GNG2: variants seen among roughly 807,000 people sequenced by gnomAD.
GNG2 encodes guanine nucleotide-binding protein G(I)/G(S)/G(O) subunit gamma-2.
A neutral mutation model predicts 5.5 loss-of-function variants in GNG2; 5 were observed. The observed-to-expected ratio is 0.91, with a 90% CI of 0.48 to 1.92. The LOEUF is 1.92. GNG2 is among the 30% of genes most tolerant of loss of function. GNG2 has a pLI of 0.01. For missense variants in GNG2, 55 were observed against 88.4 expected (o/e 0.62, Z 1.52); for synonymous variants, 28 against 32.0 (o/e 0.88, Z 0.42).
intron 3 of GNG2, among the ~76,000 whole-genome samples, chr14:51,957,588 T>A (rs754072751): frequency 6.6e-6 from 1 of 152,190 alleles, no homozygotes. Flanking sequence ...GTAAGGACAT[T>A]CTTCTACATA....
chr14:51,859,018 T>C (rs1224534652), upstream of GNG2, among the ~76,000 whole-genome samples: 1 of 152,234 alleles, frequency 6.6e-6, no homozygotes, highest in East Asian at 1.9e-4. Flanking sequence ...GTTAACGTGC[T>C]GTGGTCCTCA....
chr14:51,919,926 T>C (rs1477426917), intron 2 of GNG2, among the ~76,000 whole-genome samples: 1 of 152,218 alleles, frequency 6.6e-6, no homozygotes, highest in Non-Finnish European at 1.5e-5. Flanking sequence ...TGGAGTGTAC[T>C]GTCTAGCTGG....
chr14:51,835,087 C>G (rs569931588), intron 2 of GNG2, among the ~76,000 whole-genome samples: 1 of 152,286 alleles, frequency 6.6e-6, no homozygotes, highest in South Asian at 2.1e-4. Context: ...CATGCCCTCT[C>G]TGAGGAACTA....
chr14:51,902,621 G>T (rs772420968), intron 2 of GNG2, among the ~76,000 whole-genome samples: 7 of 152,178 alleles, frequency 4.6e-5, no homozygotes, highest in Non-Finnish European at 1.0e-4. Flanking sequence ...GGCTAGGCAT[G>T]GTGGCTCATG....
chr14:51,938,720 A>C (rs889126428), intron 2 of GNG2, among the ~76,000 whole-genome samples: 1 of 152,188 alleles, frequency 6.6e-6, no homozygotes, highest in Non-Finnish European at 1.5e-5. Flanking sequence ...GGGGTGGAAG[A>C]GGTCCAGTTC....
chr14:51,896,452 A>G (rs891710410), intron 2 of GNG2, among the ~76,000 whole-genome samples: 3 of 152,232 alleles, frequency 2.0e-5, no homozygotes, highest in Admixed American at 6.5e-5. Context: ...CAAGAAAAGT[A>G]TAAGTTTCCA....
At chr14:51,892,648 G>A (rs1042755010) in intron 2 of GNG2, among the ~76,000 whole-genome samples, 8 of 152,004 alleles carry the variant, frequency 5.3e-5, no homozygotes, top group Admixed American at 4.6e-4. Context: ...AATGTAACAC[G>A]CTCTTGTTTT....
At chr14:51,921,812 A>G (rs1887030555) in intron 2 of GNG2, among the ~76,000 whole-genome samples, 1 of 152,230 alleles carries the variant, frequency 6.6e-6, no homozygotes, top group Non-Finnish European at 1.5e-5. Context: ...GGATTTTTCA[A>G]ATTATGAAAA....
At chr14:51,872,957 G>A (rs1330735721) in intron 1 of GNG2, among the ~76,000 whole-genome samples, 1 of 152,070 alleles carries the variant, frequency 6.6e-6, no homozygotes, top group African/African-American at 2.4e-5. Context: ...TTTCACTACA[G>A]TTTATTTCAC....
intron 2 of GNG2, among the ~76,000 whole-genome samples, chr14:51,879,893 T>G (rs1594868696): frequency 6.6e-6 from 1 of 152,188 alleles, no homozygotes; most frequent in South Asian, 2.1e-4. Flanking sequence ...CTGAACATAT[T>G]TGGGGCCTAT....
At chr14:51,902,303 T>A (rs1885619396) in intron 2 of GNG2, among the ~76,000 whole-genome samples, 1 of 152,220 alleles carries the variant, frequency 6.6e-6, no homozygotes, top group South Asian at 2.1e-4. Context: ...CTATATTACA[T>A]AAAGTGCTTA....
chr14:51,957,399 C>T (rs925902992), intron 3 of GNG2, among the ~76,000 whole-genome samples: 3 of 152,302 alleles, frequency 2.0e-5, no homozygotes, highest in African/African-American at 7.2e-5. Flanking sequence ...TATCCACCAT[C>T]TCTAATTTCT....
At chr14:51,963,427 T>A (rs1434023398) in intron 3 of GNG2, among the ~76,000 whole-genome samples, 1 of 152,220 alleles carries the variant, frequency 6.6e-6, no homozygotes, top group Admixed American at 6.5e-5. Flanking sequence ...ATTTACTGTC[T>A]CCACTGCCTA....
chr14:51,924,761 G>T (rs772966823), intron 2 of GNG2, among the ~76,000 whole-genome samples: 6 of 152,222 alleles, frequency 3.9e-5, no homozygotes, highest in Non-Finnish European at 8.8e-5. Context: ...CCTACTGAAA[G>T]TGTAAATAAT....
At chr14:51,877,104 CA>C (rs1465760990) in intron 1 of GNG2, among the ~76,000 whole-genome samples, 10 of 152,210 alleles carry the variant, frequency 6.6e-5, no homozygotes, top group African/African-American at 2.4e-4. Flanking sequence ...CTGTGGGTGC[CA>C]AAGATACTCT....
At chr14:51,925,542 C>T (rs975395394) in intron 2 of GNG2, among the ~76,000 whole-genome samples, 14 of 152,148 alleles carry the variant, frequency 9.2e-5, no homozygotes, top group South Asian at 2.1e-4. Context: ...CTCTGAAAAT[C>T]GGAGGATACT....
intron 2 of GNG2, among the ~76,000 whole-genome samples, chr14:51,889,822 G>A (rs1280031427): frequency 6.6e-6 from 1 of 152,096 alleles, no homozygotes; most frequent in Non-Finnish European, 1.5e-5. Flanking sequence ...GATAATAAAG[G>A]CCCTGTAGCT....
At chr14:51,908,839 A>G (rs893505242) in intron 2 of GNG2, among the ~76,000 whole-genome samples, 4 of 149,178 alleles carry the variant, frequency 2.7e-5, no homozygotes. Flanking sequence ...CAGCCTCCCA[A>G]AGTGCTGGGA....
chr14:51,860,580 A>C (rs556528976), upstream of GNG2: 1 of 152,362 alleles, frequency 6.6e-6, no homozygotes, highest in Non-Finnish European at 1.5e-5. Context: ...TGTAGAAAGA[A>C]CGTTGATTGA....
Sources: allele counts gnomAD v4.1 joint callset (sites outside exome capture counted in the v4.1 genomes callset), GRCh38; gene constraint gnomAD v4.1.1; transcripts MANE v1.5; gene names NCBI Gene and HGNC (gene_info 2026-07-23, HGNC 2026-07-21).